The following UBE4A variants were observed in gnomAD, a reference collection of about 807,000 sequenced individuals.
UBE4A encodes ubiquitination factor E4A.
A neutral mutation model predicts 117.9 loss-of-function variants in UBE4A; 48 were observed. That is an observed-to-expected ratio of 0.41 (90% CI 0.32 to 0.52). The LOEUF (loss-of-function observed/expected upper bound fraction) is 0.52. Ranked by LOEUF, UBE4A falls within the 20% of genes least tolerant of loss-of-function variation. UBE4A has a pLI of 0.33. For synonymous variants in UBE4A, 407 were observed against 450.0 expected, an observed-to-expected ratio of 0.90 and a Z score of 1.21; for missense variants, 1,067 against 1,296.3, an observed-to-expected ratio of 0.82 and a Z score of 2.72.
rs141264676 is a variant in UBE4A at position 118,369,461 on chromosome 11, C to T, written c.334C>T (p.Arg112Cys). 6.8e-6 allele frequency: 11 copies of T among 1,613,986 alleles called. No individual in the cohort carries two copies. The highest frequency in any genetic ancestry group is 1.1e-5 in the South Asian group (1 of 91,086). ...GAAAAGCGGGAATGGCATCCCTAGC[C>T]GTTGTGTGTATTTGGAAGAAATGGC... ...SLKSGNGIPS[R>C]CVYLEEMAVE... Residue 112 changes from arginine to cysteine, a missense_variant, in exon 4 of 20, where the codon CGT becomes TGT. Transcript: ENST00000252108.
chr11:118,368,923 G>T, intron 3 of UBE4A, 119 bp downstream of exon 3: 1 of 997,724 alleles, frequency 1.0e-6, no homozygotes, highest in Admixed American at 2.3e-5. Flanking sequence ...TGCACTCCCT[G>T]GAACTCAGGG....
intron 9 of UBE4A, among the ~76,000 whole-genome samples, chr11:118,376,042 CTT>C (rs1210539986): frequency 6.6e-6 from 1 of 152,058 alleles, no homozygotes; most frequent in Non-Finnish European, 1.5e-5. Context: ...TATGGAAAAT[CTT>C]GACTAAGGAA....
intron 8 of UBE4A, 130 bp from the exon 9 acceptor site, chr11:118,374,766 G>C: frequency 1.2e-6 from 1 of 810,980 alleles, no homozygotes; most frequent in Non-Finnish European, 1.8e-6. Flanking sequence ...CAAATTAGGG[G>C]ATGAGGCACA....
chr11:118,377,087 T>C (rs781936845), intron 10 of UBE4A, among the ~76,000 whole-genome samples: 11 of 152,160 alleles, frequency 7.2e-5, no homozygotes, highest in Non-Finnish European at 1.3e-4. Context: ...CTTACAGATA[T>C]AATCTGAGCT....
chr11:118,392,428 A>G (rs940406999), intron 18 of UBE4A, among the ~76,000 whole-genome samples: 8 of 152,252 alleles, frequency 5.3e-5, no homozygotes, highest in Admixed American at 3.9e-4. Context: ...CATTTACAAC[A>G]GAACTGTTGC....
At chr11:118,384,968 A>AAG (rs1555126991) in intron 15 of UBE4A, 23 bp downstream of exon 15, 2 of 1,358,378 alleles carry the variant, frequency 1.5e-6, no homozygotes, top group Non-Finnish European at 2.0e-6. Flanking sequence ...AAAAAAAAAA[A>AAG]GATTTAACTT....
At chr11:118,365,834 T>C (rs1591293798) in intron 2 of UBE4A, among the ~76,000 whole-genome samples, 1 of 152,118 alleles carries the variant, frequency 6.6e-6, no homozygotes, top group South Asian at 2.1e-4. Flanking sequence ...TCAGAAAAAA[T>C]GGTTTTCTTT....
chr11:118,373,347 C>T (rs1311121010), intron 7 of UBE4A, 59 bp downstream of exon 7: 15 of 1,580,032 alleles, frequency 9.5e-6, no homozygotes, highest in Admixed American at 3.4e-5. Flanking sequence ...ATGATGCTTC[C>T]CTATCCTGAA....
chr11:118,379,511 C>T lies in UBE4A; in HGVS notation c.1637C>T (p.Ala546Val). Residue 546 changes from alanine to valine, a missense_variant, in exon 11 of 20, where the codon GCT becomes GTT. Physicochemically the swap from Ala to Val is moderately conservative, Grantham distance 64. Coordinates refer to ENST00000252108, the MANE Select transcript of UBE4A (RefSeq NM_001204077.2). ...LHRLQVAWRD[A>V]QQSSSPAADN... ...CGGCTGCAGGTTGCCTGGCGGGATG[C>T]TCAGCAAAGTTCTAGCCCTGCTGCT... 6.2e-7 allele frequency: 1 copy of T among 1,614,198 alleles called. No individual in the cohort carries two copies. Among genetic ancestry groups the T allele is most frequent in the Non-Finnish European group, 8.5e-7 (1 of 1,180,008 alleles).
intron 12 of UBE4A, among the ~76,000 whole-genome samples, chr11:118,381,961 A>G (rs1948708857): frequency 1.3e-5 from 2 of 152,188 alleles, no homozygotes; most frequent in African/African-American, 4.8e-5. Flanking sequence ...CCTCTTTTCC[A>G]AAGGAAGATA....
In UBE4A at chr11:118,372,631, T is replaced by C. The variant is rs1287805296; in HGVS notation, c.686T>C (p.Leu229Pro). 1 of 1,614,146 alleles carries C rather than the reference T, an allele frequency of 6.2e-7. No individual in the cohort carries two copies. The highest frequency in any genetic ancestry group is 8.5e-7 in the Non-Finnish European group (1 of 1,180,016). ...IYVDQNIHEQLVDLMLEAIQG... is the reference protein window; with the variant it reads ...IYVDQNIHEQPVDLMLEAIQG... ...GTTGACCAAAACATCCATGAGCAAC[T>C]GGTAGATTTGATGTTAGAAGCCATC... The change falls in exon 6 of 20, where the codon CTG becomes CCG. Residue 229 changes from leucine (L) to proline (P), a missense_variant. Physicochemically the swap from Leu to Pro is moderately conservative, Grantham distance 98 (BLOSUM62 -3). Coordinates refer to ENST00000252108, the MANE Select transcript of UBE4A (RefSeq NM_001204077.2).
Position 118,379,567 on chromosome 11 carries a change from A to G in UBE4A, c.1693A>G (p.Met565Val). The change falls in exon 11 of 20, where the codon ATG (methionine) becomes GTG (valine). Residue 565 changes from methionine (M) to valine (V), a missense_variant. This residue lies in a region of UBE4A where 1,001 missense variants were observed against 1,184.0 expected (regional missense o/e 0.85). Transcript: ENST00000252108. ...TCTTCGTGAGCAGTTTGAACGACTG[A>G]TGACCATCTATCTTTCTACCAAGAC... ...DNLREQFERL[M>V]TIYLSTKTAM... is the part of the protein sequence containing the mutation. 1 of 1,614,222 alleles carries G rather than the reference A, an allele frequency of 6.2e-7. No individual in the cohort carries two copies. Among genetic ancestry groups the G allele is most frequent in the East Asian group, 2.2e-5 (1 of 44,882 alleles).
At position 118,379,759 on chromosome 11, in the gene UBE4A, G is replaced by C. The variant is rs782137051; in HGVS notation, c.1876+9G>C. ...TTTGGCTTATGTGCCAGGTAAGCAGGCTCTCCCTTGGGAATGTCCTGTTTA... is the reference window on the plus strand; with the variant it reads ...TTTGGCTTATGTGCCAGGTAAGCAGCCTCTCCCTTGGGAATGTCCTGTTTA... On this transcript the variant is annotated intron_variant, in intron 11 of 19. Coordinates refer to ENST00000252108, the MANE Select transcript of UBE4A (RefSeq NM_001204077.2). 3 of 1,604,170 alleles carry C rather than the reference G, an allele frequency of 1.9e-6. No homozygotes were observed. The highest frequency in any genetic ancestry group is 2.6e-6 in the Non-Finnish European group (3 of 1,171,866).
chr11:118,392,977 A>C, intron 19 of UBE4A, 82 bp downstream of exon 19: 1 of 1,407,320 alleles, frequency 7.1e-7, no homozygotes, highest in Non-Finnish European at 9.7e-7. Flanking sequence ...CTAAGACAGT[A>C]CTTTGCACCC....
In UBE4A at chr11:118,373,514, G is replaced by C. The variant is rs771016739; in HGVS notation, c.945G>C (p.Gln315His). 2 of 1,613,888 alleles carry C rather than the reference G, an allele frequency of 1.2e-6. No individual in the cohort carries two copies. The highest frequency in any genetic ancestry group is 4.5e-5 in the East Asian group (2 of 44,876). Reference sequence around the variant, plus strand: ...TACAGGTTTTTGTAGAATACATTCAGCCCAAGGACCCTACCAATGGGCAAA... The same window carrying C: ...TACAGGTTTTTGTAGAATACATTCACCCCAAGGACCCTACCAATGGGCAAA... ...DMAKVFVEYIQPKDPTNGQMY... is the reference protein window; with the variant it reads ...DMAKVFVEYIHPKDPTNGQMY... The change falls in exon 8 of 20, where the codon CAG (glutamine) becomes CAC (histidine). Residue 315 changes from glutamine to histidine, a missense_variant. Around this residue, in one of 3 missense-constraint regions of UBE4A, gnomAD observed 1,001 missense variants for 1,184.0 expected, o/e 0.85. Coordinates refer to ENST00000252108, the MANE Select transcript of UBE4A (RefSeq NM_001204077.2).
intron 10 of UBE4A, among the ~76,000 whole-genome samples, chr11:118,379,189 T>C (rs1948678223): frequency 6.6e-6 from 1 of 152,208 alleles, no homozygotes; most frequent in African/African-American, 2.4e-5. Context: ...CCAAGCTGCC[T>C]TTCTTTGGAT....
Position 118,373,441 on chromosome 11 carries a change from A to G in UBE4A, c.925-53A>G, listed in dbSNP as rs1948625572. On this transcript the variant is annotated intron_variant, in intron 7 of 19. Transcript: ENST00000252108. ...AACTGTTTTGAGGCCCTCCCACCCC[A>G]TCACCTTATCTCACCATGAAGATGA... 4.5e-6 allele frequency: 7 copies of G among 1,569,208 alleles called. No homozygotes were observed. In the Admixed American group the frequency reaches 5.5e-5, roughly 12 times the overall value.
chr11:118,373,624 T>C lies in UBE4A; in HGVS notation c.1055T>C (p.Phe352Ser). The C allele has an allele frequency of 6.2e-7, 1 of 1,614,170 alleles. No individual in the cohort carries two copies. Among genetic ancestry groups the C allele is most frequent in the Non-Finnish European group, 8.5e-7 (1 of 1,180,022 alleles). ...GGTGTTGTAGAAAATCATGGCTACT[T>C]TTTGAATCCATCTCGTTCCAGCCCC... ...TPGVVENHGY[F>S]LNPSRSSPQE... Residue 352 changes from phenylalanine (F) to serine (S), a missense_variant, in exon 8 of 20, where the codon TTT becomes TCT. Phe to Ser is a radical substitution (Grantham distance 155). Coordinates refer to ENST00000252108, the MANE Select transcript of UBE4A (RefSeq NM_001204077.2).
chr11:118,376,474 TAAG>T, intron 9 of UBE4A, 97 bp from the exon 10 acceptor site: 2 of 1,453,260 alleles, frequency 1.4e-6, no homozygotes, highest in South Asian at 1.5e-5. Flanking sequence ...GATATGTTTT[TAAG>T]AAGATATCAC....
Sources: gnomAD v4.1 joint callset for allele counts (sites outside exome capture counted in the v4.1 genomes callset) on GRCh38, gnomAD v4.1.1 for gene constraint, gnomAD v4.1.1 regional missense constraint, MANE v1.5 for transcripts, NCBI Gene and HGNC (gene_info 2026-07-23, HGNC 2026-07-21) for gene names.